The following SORCS2 variants were observed in gnomAD, a reference collection of about 807,000 sequenced individuals.
SORCS2 encodes the protein VPS10 domain-containing receptor SorCS2.
SORCS2 carries 100 observed loss-of-function variants against 141.6 expected under a neutral mutation model. The observed-to-expected ratio is 0.71, with a 90% CI of 0.60 to 0.83. The LOEUF is 0.83. Ranked by LOEUF, SORCS2 falls within the 40% of genes least tolerant of loss-of-function variation. The probability of loss-of-function intolerance (pLI) is 0.00; values close to 1 mark genes in which losing one functional copy is unlikely to be tolerated. For synonymous variants in SORCS2, 789 were observed against 676.9 expected (o/e 1.17, Z -2.57); for missense variants, 1,646 against 1,560.2 (o/e 1.05, Z -0.93).
chr4:7,563,634 C>T (rs1281110870), intron 3 of SORCS2, among the ~76,000 whole-genome samples: 1 of 152,224 alleles, frequency 6.6e-6, no homozygotes, highest in African/African-American at 2.4e-5. Context: ...ATGCCATCTG[C>T]TTCTGCTTAC....
intron 18 of SORCS2, among the ~76,000 whole-genome samples, chr4:7,719,986 C>G (rs1260486257): frequency 6.6e-6 from 1 of 152,128 alleles, no homozygotes; most frequent in Non-Finnish European, 1.5e-5. Flanking sequence ...GCTAGGGAAG[C>G]TGGTGGGAGT....
At chr4:7,623,054 T>A in intron 3 of SORCS2, among the ~76,000 whole-genome samples, 1 of 152,074 alleles carries the variant, frequency 6.6e-6, no homozygotes, top group East Asian at 1.9e-4. Flanking sequence ...CAGAAGACGG[T>A]GCTACCTCCC....
chr4:7,329,061 C>T (rs555767789), intron 1 of SORCS2, among the ~76,000 whole-genome samples: 3 of 152,288 alleles, frequency 2.0e-5, no homozygotes, highest in South Asian at 4.2e-4. Context: ...CACACGGAGG[C>T]GACCGTGGCT....
chr4:7,620,657 C>T (rs1481762989), intron 3 of SORCS2, among the ~76,000 whole-genome samples: 1 of 152,242 alleles, frequency 6.6e-6, no homozygotes, highest in Non-Finnish European at 1.5e-5. Flanking sequence ...TGGGTACACA[C>T]ACTCCATGTC....
chr4:7,196,586 G>A lies in SORCS2; in HGVS notation c.480+3460G>A, dbSNP rs542669501. On this transcript the variant is annotated intron_variant, in intron 1 of 26. Transcript: ENST00000507866. ...TTGTTCACCTCTGTCATTGTTCCCC[G>A]AGAAGATCAGCACCTCCCTCCCCTG... Among the ~76,000 whole-genome samples the A allele has an allele frequency of 7.2e-5, 11 of 151,798 alleles. No homozygotes were observed. The East Asian group carries it at 2.1e-3, about 29-fold the overall frequency.
At chr4:7,360,571 C>CTTTTTTTT (rs753548897) in intron 1 of SORCS2, among the ~76,000 whole-genome samples, 5,012 of 49,188 alleles carry the variant, frequency 0.1, 1,140 homozygotes, top group South Asian at 0.12. Flanking sequence ...CCAGTCCCTT[C>CTTTTTTTT]TTTTTTTTTT....
At chr4:7,486,017 CT>C (rs1443467475) in intron 2 of SORCS2, among the ~76,000 whole-genome samples, 1 of 152,206 alleles carries the variant, frequency 6.6e-6, no homozygotes, top group Non-Finnish European at 1.5e-5. Context: ...TAGCTTGAGC[CT>C]GACATCAGGC....
intron 1 of SORCS2, among the ~76,000 whole-genome samples, chr4:7,323,009 C>T (rs1718997274): frequency 6.6e-6 from 1 of 152,104 alleles, no homozygotes; most frequent in Non-Finnish European, 1.5e-5. Context: ...AGCTCTAGTT[C>T]CCAGTTCTGC....
chr4:7,434,131 T>C (rs903685723), intron 2 of SORCS2: 10 of 1,613,450 alleles, frequency 6.2e-6, no homozygotes, highest in African/African-American at 5.3e-5. Context: ...GAATCCCCCC[T>C]TCCTGCAGAG....
chr4:7,386,054 G>A (rs989185339), intron 1 of SORCS2, among the ~76,000 whole-genome samples: 1 of 152,124 alleles, frequency 6.6e-6, no homozygotes, highest in Non-Finnish European at 1.5e-5. Flanking sequence ...ACACTTTGGA[G>A]TGGCTCTGTT....
intron 3 of SORCS2, among the ~76,000 whole-genome samples, chr4:7,603,925 G>T (rs1025480303): frequency 2.0e-5 from 3 of 152,146 alleles, no homozygotes; most frequent in Non-Finnish European, 2.9e-5. Context: ...ATCTTTGGGA[G>T]ATATTTTTAG....
intron 1 of SORCS2, among the ~76,000 whole-genome samples, chr4:7,363,394 A>T (rs111066746): frequency 0.4 from 59,269 of 149,052 alleles, 14,224 homozygotes; most frequent in African/African-American, 0.65. Flanking sequence ...ATTGCTACCA[A>T]CACCATCACT....
At chr4:7,671,806 G>A (rs925226926) in intron 8 of SORCS2, among the ~76,000 whole-genome samples, 1 of 151,894 alleles carries the variant, frequency 6.6e-6, no homozygotes, top group African/African-American at 2.4e-5. Flanking sequence ...AGAAATAATG[G>A]CCCAAAACTC....
chr4:7,734,746 G>A lies in SORCS2; in HGVS notation c.3311+372G>A, dbSNP rs141256597. 1.4e-4 allele frequency among the ~76,000 whole-genome samples: 21 copies of A among 152,304 alleles called. No homozygotes were observed. The East Asian group carries it at 3.5e-3, about 25-fold the overall frequency. ...GCAGTGTGCCCAAGGTAACACAGAC[G>A]GCCAGCCTCAGAACTGGGACCTGAC... On this transcript the variant is annotated intron_variant, in intron 25 of 26. Transcript: ENST00000507866.
chr4:7,658,479 G>T (rs900469614), intron 5 of SORCS2, among the ~76,000 whole-genome samples: 2 of 152,190 alleles, frequency 1.3e-5, no homozygotes, highest in African/African-American at 4.8e-5. Context: ...TCAGGAGAGA[G>T]CAATGTCAGG....
chr4:7,411,479 TCTC>T (rs1043486314), intron 2 of SORCS2, among the ~76,000 whole-genome samples: 1 of 151,854 alleles, frequency 6.6e-6, no homozygotes, highest in African/African-American at 2.4e-5. Flanking sequence ...CTCTATCTTC[TCTC>T]CTCATTTCTA....
intron 3 of SORCS2, among the ~76,000 whole-genome samples, chr4:7,540,111 G>A (rs1249468817): frequency 5.2e-5 from 7 of 135,626 alleles, no homozygotes; most frequent in African/African-American, 2.0e-4. Context: ...TGTGCTGTGG[G>A]GCCCCACTCC....
At position 7,723,746 on chromosome 4, in the gene SORCS2, A is replaced by C; in HGVS notation, c.2474A>C (p.Lys825Thr). Reference protein sequence around the residue: ...KYQVDLGDGFKAMYVNLTLTG... With the variant: ...KYQVDLGDGFTAMYVNLTLTG... ...CAGGTAGACCTTGGGGACGGCTTCA[A>C]GGCCATGTACGTGAACCTTACACTG... Residue 825 changes from lysine to threonine, a missense_variant, in exon 19 of 27, where the codon AAG becomes ACG. Coordinates refer to ENST00000507866, the MANE Select transcript of SORCS2 (RefSeq NM_020777.3). 6.2e-7 allele frequency: 1 copy of C among 1,613,990 alleles called. No individual in the cohort carries two copies. The highest frequency in any genetic ancestry group is 1.1e-5 in the South Asian group (1 of 91,086).
chr4:7,374,531 A>G (rs1349420412), intron 1 of SORCS2, among the ~76,000 whole-genome samples: 1 of 152,166 alleles, frequency 6.6e-6, no homozygotes, highest in African/African-American at 2.4e-5. Context: ...TTCCGGGTGC[A>G]GTGGCTTGGC....
Sources: allele counts gnomAD v4.1 joint callset (sites outside exome capture counted in the v4.1 genomes callset), GRCh38; gene constraint gnomAD v4.1.1; transcripts MANE v1.5; gene names NCBI Gene and HGNC (gene_info 2026-07-23, HGNC 2026-07-21).